Variants in RASGRF1 observed in about 807,000 individuals in gnomAD.
The protein encoded by RASGRF1 is ras-specific guanine nucleotide-releasing factor 1.
RASGRF1 carries 40 observed loss-of-function variants against 138.7 expected under a neutral mutation model. That is an observed-to-expected ratio of 0.29 (90% CI 0.22 to 0.38). The LOEUF is 0.38. RASGRF1 is among the 10% of genes least tolerant of loss of function. RASGRF1 has a pLI of 1.00. For missense variants in RASGRF1, 1,108 were observed against 1,650.4 expected, an observed-to-expected ratio of 0.67 and a Z score of 5.69; for synonymous variants, 614 against 663.2, an observed-to-expected ratio of 0.93 and a Z score of 1.14.
At chr15:79,079,544 AT>A (rs2057886010) in intron 1 of RASGRF1, among the ~76,000 whole-genome samples, 1 of 152,204 alleles carries the variant, frequency 6.6e-6, no homozygotes, top group South Asian at 2.1e-4. Context: ...CTTGCAGAGA[AT>A]CCTCTCCACA....
At chr15:79,020,707 G>T (rs1017819407) in intron 10 of RASGRF1, among the ~76,000 whole-genome samples, 5 of 152,234 alleles carry the variant, frequency 3.3e-5, no homozygotes, top group African/African-American at 1.2e-4. Flanking sequence ...CCATCCATGA[G>T]TGTGGGAGCA....
intron 1 of RASGRF1, among the ~76,000 whole-genome samples, chr15:79,072,784 A>G (rs957297474): frequency 1.3e-5 from 2 of 152,196 alleles, no homozygotes; most frequent in Admixed American, 6.5e-5. Context: ...AAAGCTGCAG[A>G]GTAAAAACCA....
chr15:79,073,833 G>A lies in RASGRF1; in HGVS notation c.277-9307C>T, dbSNP rs921293578. Reference sequence around the variant, plus strand: ...GCTGCAGCAGCACCCAAATCACCTTGGAATTTGTTAGGACTGTAAGTTCTT... The same window carrying A: ...GCTGCAGCAGCACCCAAATCACCTTAGAATTTGTTAGGACTGTAAGTTCTT... On this transcript the variant is annotated intron_variant, in intron 1 of 26. Transcript: ENST00000558480. This position sits in a 1 kb window ranked among gnomAD's most constrained non-coding sequence, Gnocchi z 4.2. 3.8e-4 allele frequency among the ~76,000 whole-genome samples: 58 copies of A among 152,208 alleles called. No homozygotes were observed. Among genetic ancestry groups the A allele is most frequent in the African/African-American group, 1.4e-3 (57 of 41,444 alleles).
chr15:79,001,532 GAA>G, intron 16 of RASGRF1, 128 bp downstream of exon 16: 1 of 1,207,012 alleles, frequency 8.3e-7, no homozygotes, highest in South Asian at 2.1e-5. Context: ...TGAAATATCA[GAA>G]AAGTTACTGC....
At chr15:79,003,756 T>C in intron 15 of RASGRF1, 46 bp downstream of exon 15, 1 of 1,540,192 alleles carries the variant, frequency 6.5e-7, no homozygotes, top group East Asian at 2.3e-5. Context: ...TGAGCCTCAG[T>C]GGGGCTGGGA....
At chr15:79,056,905 T>C (rs913248431) in intron 3 of RASGRF1, among the ~76,000 whole-genome samples, 1 of 152,200 alleles carries the variant, frequency 6.6e-6, no homozygotes, top group Non-Finnish European at 1.5e-5. Context: ...GTTTTCTCTT[T>C]GAATTGTGTT....
At position 79,006,629 on chromosome 15, in the gene RASGRF1, A is replaced by T. The variant is rs1291364243; in HGVS notation, c.1827-195T>A. On this transcript the variant is annotated intron_variant, in intron 13 of 26. Transcript: ENST00000558480. This position sits in a 1 kb window ranked among gnomAD's most constrained non-coding sequence, Gnocchi z 4.0. ...CCCAATATCCTAAAAACTCTCCATT[A>T]TAAAACCCCTAGAAATACTGGAGAA... Among the ~76,000 whole-genome samples the T allele has an allele frequency of 3.3e-5, 5 of 152,238 alleles. No individual in the cohort carries two copies. The highest frequency in any genetic ancestry group is 1.2e-4 in the African/African-American group (5 of 41,452).
chr15:79,051,009 G>A (rs1391433646), intron 3 of RASGRF1, among the ~76,000 whole-genome samples: 1 of 152,084 alleles, frequency 6.6e-6, no homozygotes, highest in Non-Finnish European at 1.5e-5. Flanking sequence ...ACAAATAAGT[G>A]AATTAAAAAA....
At chr15:79,042,125 C>T (rs1405836985) in intron 5 of RASGRF1, among the ~76,000 whole-genome samples, 1 of 152,144 alleles carries the variant, frequency 6.6e-6, no homozygotes, top group Non-Finnish European at 1.5e-5. Context: ...AAGATCTTTT[C>T]CCCCCTATTT....
intron 2 of RASGRF1, among the ~76,000 whole-genome samples, chr15:79,060,907 C>T (rs540451451): frequency 3.3e-5 from 5 of 151,938 alleles, no homozygotes; most frequent in East Asian, 2.0e-4. Context: ...CTCCTGTCAC[C>T]GGCTTGTGTC....
rs564734026 is a variant in RASGRF1, at chr15:78,986,245, G to A, written c.3217-1041C>T. 8.5e-4 allele frequency among the ~76,000 whole-genome samples: 129 copies of A among 152,300 alleles called. 1 individual carries two copies. The highest frequency in any genetic ancestry group is 3.0e-3 in the African/African-American group (123 of 41,564). On this transcript the variant is annotated intron_variant, in intron 22 of 26. Coordinates refer to ENST00000558480, the MANE Select transcript of RASGRF1 (RefSeq NM_001145648.3). ...TTGGATCTGGAGCAGCTGGGGATGG[G>A]GGTGGGAAGCTGGGGCTAGAACATC... is the stretch of plus-strand genomic sequence containing the variant.
rs558096808 is a variant in RASGRF1, at chr15:79,004,116, G to T, written c.2135C>A (p.Pro712His). 4 of 1,613,408 alleles carry T rather than the reference G, an allele frequency of 2.5e-6. No homozygotes were observed. Among genetic ancestry groups the T allele is most frequent in the Non-Finnish European group, 2.5e-6 (3 of 1,179,804 alleles). ...QNNKLLYGEP[P>H]KSPRATRKFS... is the part of the protein sequence containing the mutation. ...CTTGCGGGTGGCGCGCGGGGACTTGGGGGGTTCACCGTACAGGAGCTTATT... is the reference window on the plus strand; with the variant it reads ...CTTGCGGGTGGCGCGCGGGGACTTGTGGGGTTCACCGTACAGGAGCTTATT... The change falls in exon 15 of 27, where the codon CCC (proline) becomes CAC (histidine). Residue 712 changes from proline (P) to histidine (H), a missense_variant. Pro to His is a moderately conservative substitution (Grantham distance 77). This residue lies in a region of RASGRF1 where 686 missense variants were observed against 976.7 expected (regional missense o/e 0.70). Transcript: ENST00000558480.
chr15:79,056,677 G>A (rs2057515516), intron 3 of RASGRF1, among the ~76,000 whole-genome samples: 2 of 152,226 alleles, frequency 1.3e-5, no homozygotes, highest in Admixed American at 1.3e-4. Flanking sequence ...TATCAGGCTA[G>A]CAGAGATGTG....
At position 79,054,403 on chromosome 15, in the gene RASGRF1, G is replaced by A. The variant is rs192026726; in HGVS notation, c.531+3931C>T. 2.6e-5 allele frequency among the ~76,000 whole-genome samples: 4 copies of A among 152,322 alleles called. No homozygotes were observed. In the East Asian group the frequency reaches 5.8e-4, roughly 22 times the overall value. On this transcript the variant is annotated intron_variant, in intron 3 of 26. Transcript: ENST00000558480. ...TCTGTTACATACAACAGCCTGTGTC[G>A]TGGGTTGTAGGGACTGAAGGAGGAG...
intron 14 of RASGRF1, 121 bp from the exon 15 acceptor site, chr15:79,004,296 C>A: frequency 7.8e-7 from 1 of 1,286,470 alleles, no homozygotes; most frequent in Non-Finnish European, 1.1e-6. Flanking sequence ...CTTAGGATCC[C>A]TGAAACCCAT....
chr15:79,026,695 C>G (rs1254878729), intron 9 of RASGRF1, among the ~76,000 whole-genome samples: 2 of 152,224 alleles, frequency 1.3e-5, no homozygotes, highest in East Asian at 1.9e-4. Flanking sequence ...GAGCAGATTT[C>G]TGGTCTGTGG....
Position 78,991,743 on chromosome 15 carries a change from C to T in RASGRF1, c.3079G>A (p.Ala1027Thr). Reference protein sequence around the residue: ...PFENHSALEIAEQLTLLDHLV... With the variant: ...PFENHSALEITEQLTLLDHLV... ...TGATCTAGCAGGGTCAGCTGCTCCG[C>T]GATCTCCAGGGCTGAGTGGTTTTCA... The change falls in exon 21 of 27, where the codon GCG (alanine) becomes ACG (threonine). Residue 1027 changes from alanine to threonine, a missense_variant. Physicochemically the swap from Ala to Thr is moderately conservative, Grantham distance 58. Coordinates refer to ENST00000558480, the MANE Select transcript of RASGRF1 (RefSeq NM_001145648.3). The T allele has an allele frequency of 1.2e-6, 2 of 1,614,116 alleles. No homozygotes were observed. Among genetic ancestry groups the T allele is most frequent in the Non-Finnish European group, 1.7e-6 (2 of 1,179,992 alleles).
Position 79,029,719 on chromosome 15 carries a change from C to T in RASGRF1, c.1262+1681G>A, listed in dbSNP as rs372601612. 1.1e-4 allele frequency among the ~76,000 whole-genome samples: 16 copies of T among 151,808 alleles called. No individual in the cohort carries two copies. In the East Asian group the frequency reaches 2.7e-3, roughly 26 times the overall value. ...TCTAATGGCTTCCTGCTTGTGGGAG[C>T]GTGAAAGGAGAATTAAAGGGATGCT... On this transcript the variant is annotated intron_variant, in intron 8 of 26. Coordinates refer to ENST00000558480, the MANE Select transcript of RASGRF1 (RefSeq NM_001145648.3).
intron 8 of RASGRF1, among the ~76,000 whole-genome samples, chr15:79,028,469 TG>T: frequency 6.6e-6 from 1 of 152,196 alleles, no homozygotes; most frequent in East Asian, 1.9e-4. Context: ...CTGTAGGCTC[TG>T]GCCCTTCTGG....
Sources: allele counts gnomAD v4.1 joint callset (sites outside exome capture counted in the v4.1 genomes callset), GRCh38; gene constraint gnomAD v4.1.1; regional missense constraint gnomAD v4.1.1; non-coding constraint Gnocchi (gnomAD v3.1); transcripts MANE v1.5; gene names NCBI Gene and HGNC (gene_info 2026-07-23, HGNC 2026-07-21).